NCK2: variants seen among roughly 807,000 people sequenced by gnomAD.
NCK2 encodes the protein cytoplasmic protein NCK2.
A neutral mutation model predicts 33.9 loss-of-function variants in NCK2; 16 were observed. The ratio of observed to expected loss-of-function variants is 0.47; its 90% CI spans 0.32 to 0.72. The LOEUF (loss-of-function observed/expected upper bound fraction) is 0.72, where lower values mean the gene tolerates loss of function less well. Among genes scored for constraint, NCK2 ranks in the 30% least tolerant of loss-of-function variants. The pLI, the probability that NCK2 is intolerant of heterozygous loss-of-function variation, is 0.03. For synonymous variants in NCK2, 273 were observed against 239.9 expected (o/e 1.14, Z -1.27); for missense variants, 418 against 537.3 (o/e 0.78, Z 2.19).
chr2:105,888,873 A>C (rs1426742822), intron 4 of NCK2, among the ~76,000 whole-genome samples: 2 of 152,216 alleles, frequency 1.3e-5, no homozygotes, highest in Admixed American at 1.3e-4. Flanking sequence ...TCTAGCCTTC[A>C]GATGACTGCA....
intron 3 of NCK2, among the ~76,000 whole-genome samples, chr2:105,859,363 C>T (rs982101168): frequency 6.6e-6 from 1 of 152,182 alleles, no homozygotes; most frequent in Admixed American, 6.5e-5. Flanking sequence ...TTCACAGGCC[C>T]ACCTGCCCGT....
At chr2:105,887,766 A>G (rs1220626394) in intron 4 of NCK2, among the ~76,000 whole-genome samples, 1 of 152,200 alleles carries the variant, frequency 6.6e-6, no homozygotes, top group Non-Finnish European at 1.5e-5. Flanking sequence ...GGAGAGGCGT[A>G]TCTGATCAGG....
chr2:105,866,610 C>T (rs568075065), intron 3 of NCK2, among the ~76,000 whole-genome samples: 2 of 152,310 alleles, frequency 1.3e-5, no homozygotes, highest in South Asian at 4.1e-4. Flanking sequence ...ATAGTGTTTG[C>T]GCTCCTGTGA....
intron 4 of NCK2, among the ~76,000 whole-genome samples, chr2:105,891,399 G>A (rs922970514): frequency 6.6e-6 from 1 of 151,906 alleles, no homozygotes; most frequent in Admixed American, 6.6e-5. Flanking sequence ...GGCACCGCCT[G>A]CCTGGCATGT....
At chr2:105,769,594 G>A (rs11889330) in intron 1 of NCK2, among the ~76,000 whole-genome samples, 33,461 of 152,174 alleles carry the variant, frequency 0.22, 4,170 homozygotes, top group Middle Eastern at 0.38. Context: ...CTAAGAAATG[G>A]GACGTGTGGG....
chr2:105,762,784 A>C (rs1689808381), intron 1 of NCK2, among the ~76,000 whole-genome samples: 2 of 152,132 alleles, frequency 1.3e-5, no homozygotes, highest in African/African-American at 4.8e-5. Flanking sequence ...CACTGCTGCT[A>C]CCCTCTCGTT....
intron 1 of NCK2, among the ~76,000 whole-genome samples, chr2:105,810,602 A>G (rs542118955): frequency 4.3e-4 from 65 of 152,314 alleles, no homozygotes; most frequent in Non-Finnish European, 4.0e-4. Context: ...GGCAATATGT[A>G]ATTAAATTGT....
intron 3 of NCK2, chr2:105,857,047 T>TTTTTTTTTTTTTA (rs1553460690): frequency 7.6e-6 from 1 of 130,790 alleles, no homozygotes; most frequent in Non-Finnish European, 1.7e-5. Flanking sequence ...TTTTTTTTTT[T>TTTTTTTTTTTTTA]TTGTATTTAC....
At chr2:105,892,439 C>A (rs1297844893) in intron 4 of NCK2, among the ~76,000 whole-genome samples, 3 of 152,190 alleles carry the variant, frequency 2.0e-5, no homozygotes, top group Non-Finnish European at 4.4e-5. Flanking sequence ...GCATTTAGCA[C>A]TGAAACTGGG....
intron 2 of NCK2, among the ~76,000 whole-genome samples, chr2:105,831,953 TC>T (rs1676206168): frequency 6.6e-6 from 1 of 152,200 alleles, no homozygotes; most frequent in South Asian, 2.1e-4. Flanking sequence ...TTGATAGGGA[TC>T]ACATTGAAAA....
intron 1 of NCK2, among the ~76,000 whole-genome samples, chr2:105,774,911 A>C (rs998683675): frequency 4.0e-5 from 6 of 150,508 alleles, no homozygotes; most frequent in Non-Finnish European, 3.0e-5. Flanking sequence ...AATCATTACC[A>C]GTCCAGGCAC....
chr2:105,790,336 T>C (rs558699043), intron 1 of NCK2, among the ~76,000 whole-genome samples: 8 of 152,294 alleles, frequency 5.3e-5, no homozygotes, highest in African/African-American at 1.9e-4. Flanking sequence ...TGACTCAGAG[T>C]GGGAACAGTT....
chr2:105,834,045 G>A lies in NCK2; in HGVS notation c.-17+17432G>A, dbSNP rs542033495. 1.4e-3 allele frequency among the ~76,000 whole-genome samples: 215 copies of A among 152,270 alleles called. 1 individual carries two copies. The highest frequency in any genetic ancestry group is 1.7e-3 in the Non-Finnish European group (115 of 68,010). On this transcript the variant is annotated intron_variant, in intron 2 of 4. Coordinates refer to ENST00000233154, the MANE Select transcript of NCK2 (RefSeq NM_003581.5). ...ATTTATAAAAATTTCTTATGACTTC[G>A]TTTATGACCAAACATACTGTAAATC...
chr2:105,835,040 T>G (rs1676340251), intron 2 of NCK2, among the ~76,000 whole-genome samples: 1 of 152,134 alleles, frequency 6.6e-6, no homozygotes, highest in South Asian at 2.1e-4. Context: ...AAGTATTTTC[T>G]GGTTGCTTTG....
chr2:105,846,606 TGTTCA>T (rs1214356052), intron 2 of NCK2: 3 of 152,214 alleles, frequency 2.0e-5, no homozygotes, highest in Non-Finnish European at 4.4e-5. Context: ...GTACAAATAC[TGTTCA>T]GTTAAGAAAT....
intron 1 of NCK2, among the ~76,000 whole-genome samples, chr2:105,766,617 C>T (rs1340957625): frequency 6.6e-6 from 1 of 152,178 alleles, no homozygotes; most frequent in Non-Finnish European, 1.5e-5. Flanking sequence ...GCCACTGTGC[C>T]TGGCCTAGGT....
chr2:105,765,990 T>TA (rs34675021), intron 1 of NCK2, among the ~76,000 whole-genome samples: 37,207 of 152,066 alleles, frequency 0.24, 5,145 homozygotes, highest in Middle Eastern at 0.38. Context: ...AGGTGACGCT[T>TA]ACACTGCACA....
At chr2:105,870,705 C>T (rs929378410) in intron 3 of NCK2, among the ~76,000 whole-genome samples, 2 of 152,012 alleles carry the variant, frequency 1.3e-5, no homozygotes, top group African/African-American at 2.4e-5. Flanking sequence ...CAGCCAAGAT[C>T]GCGCCACCTC....
rs1459395379 is a variant in NCK2, at chr2:105,802,992, C to T, written c.-200-13438C>T. On this transcript the variant is annotated intron_variant, in intron 1 of 4. Coordinates refer to ENST00000233154, the MANE Select transcript of NCK2 (RefSeq NM_003581.5). ...AGTAAATACTTGTTGGATGAATTAACTTGAAGTCTTTCTAGAAGAGAGCAA... is the reference window on the plus strand; with the variant it reads ...AGTAAATACTTGTTGGATGAATTAATTTGAAGTCTTTCTAGAAGAGAGCAA... 3.3e-5 allele frequency among the ~76,000 whole-genome samples: 5 copies of T among 152,004 alleles called. No homozygotes were observed. The South Asian group carries it at 8.3e-4, about 25-fold the overall frequency.
Sources: gnomAD v4.1 joint callset for allele counts (sites outside exome capture counted in the v4.1 genomes callset) on GRCh38, gnomAD v4.1.1 for gene constraint, MANE v1.5 for transcripts, NCBI Gene and HGNC (gene_info 2026-07-23, HGNC 2026-07-21) for gene names.